The following NBEAL1 variants were observed in gnomAD, a reference collection of about 807,000 sequenced individuals.
NBEAL1 encodes the protein neurobeachin-like protein 1.
Under a neutral mutation model 351.3 loss-of-function variants are expected in NBEAL1, and 273 were observed. The observed-to-expected ratio is 0.78, with a 90% CI of 0.70 to 0.86. The LOEUF (loss-of-function observed/expected upper bound fraction) is 0.86. NBEAL1 is among the 40% of genes least tolerant of loss of function. The pLI is 0.00. For missense variants in NBEAL1, 2,961 were observed against 3,201.3 expected (o/e 0.92, Z 1.81); for synonymous variants, 1,050 against 1,086.4 (o/e 0.97, Z 0.66).
chr2:203,177,338 C>G (rs1351709974), intron 42 of NBEAL1, among the ~76,000 whole-genome samples: 1 of 147,436 alleles, frequency 6.8e-6, no homozygotes, highest in Non-Finnish European at 1.5e-5. Flanking sequence ...AGTTCAAGTT[C>G]AGCCTGGGCA....
chr2:203,042,639 G>A (rs2106048916), intron 3 of NBEAL1, among the ~76,000 whole-genome samples: 1 of 147,118 alleles, frequency 6.8e-6, no homozygotes. Context: ...TCGACAGGCT[G>A]TGCAGTGGCA....
intron 53 of NBEAL1, 55 bp from the exon 54 acceptor site, chr2:203,210,903 A>G: frequency 9.3e-7 from 1 of 1,072,860 alleles, no homozygotes; most frequent in Non-Finnish European, 1.3e-6. Flanking sequence ...TTAACTGGTT[A>G]TATAAAAACT....
At position 203,218,534 on chromosome 2, in the gene NBEAL1, C is replaced by T. The variant is rs2065920304; in HGVS notation, c.*1180C>T. 6.6e-6 allele frequency: 1 copy of T among 152,080 alleles called. No individual in the cohort carries two copies. The highest frequency in any genetic ancestry group is 2.4e-5 in the African/African-American group (1 of 41,418). The allele number at this position is 152,080 out of a possible 1,614,324, so 9.4% of individuals were successfully genotyped here. On this transcript the variant is annotated 3_prime_UTR_variant, in exon 56 of 56. Transcript: ENST00000683969. ...GAATCCCTCTGAAATTGTGCAGAGA[C>T]TTTGTATGTTAAATGCATTTTCAGG...
chr2:203,016,863 G>T (rs188099701), intron 2 of NBEAL1, among the ~76,000 whole-genome samples: 1 of 152,124 alleles, frequency 6.6e-6, no homozygotes, highest in Non-Finnish European at 1.5e-5. Context: ...ATTGAACTGC[G>T]TGCTGTGTGA....
rs752691911 is a variant in NBEAL1, at chr2:203,112,002, GC to G, written c.2108del (p.Pro703LeufsTer30). 1.9e-6 allele frequency: 3 copies of G among 1,551,418 alleles called. No homozygotes were observed. Among genetic ancestry groups the G allele is most frequent in the Middle Eastern group, 3.3e-4 (2 of 5,990 alleles). On this transcript the variant is annotated frameshift_variant, in exon 16 of 56. Transcript: ENST00000683969. LOFTEE classifies it high-confidence loss of function. ...AGCACAACATAACTGTTGTCCACATGCCTGGAAAAAGGCCTTTTGGTCAGAG... is the reference window on the plus strand; with the variant it reads ...AGCACAACATAACTGTTGTCCACATGCTGGAAAAAGGCCTTTTGGTCAGAG... The part of the protein sequence containing the change: ...LWHNITVVHM[P>X]GKRPFGQSFV...
chr2:203,127,258 A>G (rs998281497), intron 23 of NBEAL1, among the ~76,000 whole-genome samples: 2 of 152,212 alleles, frequency 1.3e-5, no homozygotes, highest in Non-Finnish European at 2.9e-5. Context: ...CACTTAAAGT[A>G]TGTCTGCTAT....
intron 16 of NBEAL1, among the ~76,000 whole-genome samples, chr2:203,112,351 A>C (rs554012455): frequency 2.2e-4 from 33 of 152,370 alleles, no homozygotes; most frequent in African/African-American, 7.7e-4. Flanking sequence ...TATAACAGGA[A>C]AGCCAAAGAA....
chr2:203,190,307 A>G lies in NBEAL1; in HGVS notation c.6839A>G (p.Asp2280Gly), dbSNP rs2065034611. The G allele has an allele frequency of 6.2e-7, 1 of 1,609,574 alleles. No homozygotes were observed. Among genetic ancestry groups the G allele is most frequent in the Non-Finnish European group, 8.5e-7 (1 of 1,178,978 alleles). Residue 2280 changes from aspartate (D) to glycine (G), a missense_variant, in exon 46 of 56, where the codon GAT (aspartate) becomes GGT (glycine). Coordinates refer to ENST00000683969, the MANE Select transcript of NBEAL1 (RefSeq NM_001378026.1). ...YCSYEGAVDL[D>G]ALTDEKERKA... is the part of the protein sequence containing the mutation. Reference sequence around the variant, plus strand: ...CTGGTTTTAGGAGCTGTGGATCTGGATGCCTTAACAGATGAGAAAGAAAGA... The same window carrying G: ...CTGGTTTTAGGAGCTGTGGATCTGGGTGCCTTAACAGATGAGAAAGAAAGA...
rs1242904027 is a variant in NBEAL1, at chr2:203,144,753, C to G, written c.5002C>G (p.Leu1668Val). 4 of 1,614,016 alleles carry G rather than the reference C, an allele frequency of 2.5e-6. No individual in the cohort carries two copies. The highest frequency in any genetic ancestry group is 3.4e-6 in the Non-Finnish European group (4 of 1,180,010). ...TGAAATCTACTCATTTCTGATTCCC[C>G]TTGTTCGTACCCTGGTTTCCAAAAT... ...QTEIYSFLIP[L>V]VRTLVSKIYE... is the part of the protein sequence containing the mutation. The change falls in exon 32 of 56, where the codon CTT (leucine) becomes GTT (valine). Residue 1668 changes from leucine to valine, a missense_variant. By Grantham distance (32) the Leu-to-Val change is conservative (BLOSUM62 1). Transcript: ENST00000683969.
At chr2:203,125,049 A>T (rs1452936512) in intron 19 of NBEAL1, among the ~76,000 whole-genome samples, 1 of 151,828 alleles carries the variant, frequency 6.6e-6, no homozygotes, top group Admixed American at 6.6e-5. Flanking sequence ...CCATTGTTGG[A>T]GTTACATTAT....
intron 46 of NBEAL1, among the ~76,000 whole-genome samples, chr2:203,193,228 T>C (rs1298330114): frequency 6.6e-6 from 1 of 152,086 alleles, no homozygotes; most frequent in Non-Finnish European, 1.5e-5. Flanking sequence ...CACCTCAGCC[T>C]CCCGAAGTGC....
In NBEAL1 at chr2:203,175,202, C is replaced by A. The variant is rs2064461474; in HGVS notation, c.6379C>A (p.His2127Asn). 5 of 1,613,354 alleles carry A rather than the reference C, an allele frequency of 3.1e-6. No individual in the cohort carries two copies. The highest frequency in any genetic ancestry group is 4.2e-6 in the Non-Finnish European group (5 of 1,179,458). ...GTIDKFHYGT[H>N]YSNSAGVMHY... ...TATTGATAAGTTTCACTATGGTACT[C>A]ACTATTCAAATTCTGCGGGGGTCAT... The change falls in exon 42 of 56, where the codon CAC becomes AAC. Residue 2127 changes from histidine (H) to asparagine (N), a missense_variant. Coordinates refer to ENST00000683969, the MANE Select transcript of NBEAL1 (RefSeq NM_001378026.1).
In NBEAL1 at chr2:203,113,194, G is replaced by C. The variant is rs1234357285; in HGVS notation, c.2382G>C (p.Leu794Phe). The change falls in exon 17 of 56, where the codon TTG becomes TTC. Residue 794 changes from leucine (L) to phenylalanine (F), a missense_variant. Leu to Phe is a conservative substitution (Grantham distance 22, BLOSUM62 0). Coordinates refer to ENST00000683969, the MANE Select transcript of NBEAL1 (RefSeq NM_001378026.1). ...AAAAATCAAAATTGATTACCAAATT[G>C]ATATCAGCTGGAACCCAAGACAGTG... The part of the protein sequence containing the change: ...TIEKSKLITK[L>F]ISAGTQDSEW... 5.2e-6 allele frequency: 8 copies of C among 1,550,862 alleles called. No homozygotes were observed. Among genetic ancestry groups the C allele is most frequent in the African/African-American group, 4.1e-5 (3 of 73,266 alleles).
intron 18 of NBEAL1, among the ~76,000 whole-genome samples, chr2:203,121,239 C>T (rs1236977971): frequency 6.6e-6 from 1 of 151,832 alleles, no homozygotes; most frequent in Non-Finnish European, 1.5e-5. Context: ...TTTAATCACA[C>T]GTTTTATGTG....
chr2:203,202,457 G>A (rs1039503676), intron 50 of NBEAL1, among the ~76,000 whole-genome samples: 1 of 152,106 alleles, frequency 6.6e-6, no homozygotes, highest in East Asian at 1.9e-4. Context: ...ACTGCATGTC[G>A]ACTTCTCATG....
In NBEAL1 at chr2:203,145,112, T is replaced by C; in HGVS notation, c.5256T>C (p.Asn1752=). The change falls in exon 33 of 56, where the codon AAT becomes AAC. Residue 1752 remains asparagine (N), a synonymous_variant. Transcript: ENST00000683969. ...ATTGTTATGAAGCTTTAATGGTAAA[T>C]ATGCATAAACGAGACCGGGAAGGAG... ...WKDCYEALMV[N]MHKRDREGGE... 6.2e-6 allele frequency: 10 copies of C among 1,612,606 alleles called. No individual in the cohort carries two copies. The highest frequency in any genetic ancestry group is 8.5e-6 in the Non-Finnish European group (10 of 1,179,634).
intron 3 of NBEAL1, among the ~76,000 whole-genome samples, chr2:203,046,081 A>G (rs983420834): frequency 1.3e-5 from 2 of 152,298 alleles, no homozygotes; most frequent in African/African-American, 4.8e-5. Context: ...TTGGGAGGCC[A>G]AGGTGGGAGG....
In NBEAL1 at chr2:203,064,538, A is replaced by T. The variant is rs186764017; in HGVS notation, c.516-3855A>T. Reference sequence around the variant, plus strand: ...GTGATAACCCTAAGAAGGACACTTCATTGCTTATGTGTTATTCCAGCCAAG... The same window carrying T: ...GTGATAACCCTAAGAAGGACACTTCTTTGCTTATGTGTTATTCCAGCCAAG... On this transcript the variant is annotated intron_variant, in intron 6 of 55. Transcript: ENST00000683969. Among the ~76,000 whole-genome samples the T allele has an allele frequency of 9.1e-4, 138 of 152,344 alleles. 2 individuals are homozygous for T. Among genetic ancestry groups the T allele is most frequent in the Admixed American group, 9.0e-3 (138 of 15,304 alleles).
At chr2:203,108,605 G>A (rs980213908) in intron 14 of NBEAL1, among the ~76,000 whole-genome samples, 30 of 151,822 alleles carry the variant, frequency 2.0e-4, no homozygotes, top group Admixed American at 6.6e-4. Flanking sequence ...GGGTTTCACC[G>A]TGTTAGCCAG....
Sources: gnomAD v4.1 joint callset for allele counts (sites outside exome capture counted in the v4.1 genomes callset) on GRCh38, gnomAD v4.1.1 for gene constraint, MANE v1.5 for transcripts, NCBI Gene and HGNC (gene_info 2026-07-23, HGNC 2026-07-21) for gene names.